The following CMTR1 variants were observed in gnomAD, a reference collection of about 807,000 sequenced individuals.
CMTR1 encodes the protein cap methyltransferase 1.
CMTR1 carries 39 observed loss-of-function variants against 107.0 expected under a neutral mutation model. That is an observed-to-expected ratio of 0.36 (90% CI 0.28 to 0.48). The LOEUF (loss-of-function observed/expected upper bound fraction) is 0.48, where lower values mean the gene tolerates loss of function less well. Among genes scored for constraint, CMTR1 ranks in the 20% least tolerant of loss-of-function variants. The probability of loss-of-function intolerance (pLI) is 0.99; values close to 1 mark genes in which losing one functional copy is unlikely to be tolerated. For missense variants in CMTR1, 672 were observed against 1,064.9 expected (o/e 0.63, Z 5.14); for synonymous variants, 366 against 379.5 (o/e 0.96, Z 0.41).
intron 22 of CMTR1, among the ~76,000 whole-genome samples, chr6:37,478,824 A>G (rs979996207): frequency 2.6e-5 from 4 of 152,148 alleles, no homozygotes; most frequent in African/African-American, 9.7e-5. Context: ...CAGAAAGTCA[A>G]GCTTGGTTTC....
upstream of CMTR1, among the ~76,000 whole-genome samples, chr6:37,431,780 G>C (rs573996227): frequency 6.6e-6 from 1 of 152,252 alleles, no homozygotes; most frequent in South Asian, 2.1e-4. Flanking sequence ...ATCCAGGCAG[G>C]GGGCTGAACT....
intron 1 of CMTR1, 149 bp downstream of exon 1, chr6:37,433,526 C>G (rs1276890539): frequency 6.5e-6 from 1 of 152,934 alleles, no homozygotes; most frequent in East Asian, 1.9e-4. Context: ...CTCCTCCCAC[C>G]CCCAACGCCG....
Position 37,481,273 on chromosome 6 carries a change from T to G in CMTR1, c.*1128T>G. The G allele has an allele frequency of 7.9e-7, 1 of 1,261,676 alleles. No homozygotes were observed. Among genetic ancestry groups the G allele is most frequent in the Non-Finnish European group, 1.0e-6 (1 of 973,174 alleles). 78.2% of individuals were successfully genotyped at this position (1,261,676 alleles called of 1,614,324 possible). ...TAATGGGAAATACCTCTCAGAGATG[T>G]TCATGCAGGCTCCCTAGGGCCCCAT... is the stretch of plus-strand genomic sequence containing the variant. On this transcript the variant is annotated 3_prime_UTR_variant, in exon 24 of 24. Coordinates refer to ENST00000373451, the MANE Select transcript of CMTR1 (RefSeq NM_015050.3).
chr6:37,469,411 T>A (rs1761577275), intron 13 of CMTR1, among the ~76,000 whole-genome samples: 1 of 152,076 alleles, frequency 6.6e-6, no homozygotes, highest in Non-Finnish European at 1.5e-5. Context: ...TATGTGGTTT[T>A]CTTTGTATTT....
intron 13 of CMTR1, among the ~76,000 whole-genome samples, chr6:37,463,717 A>G (rs1207514691): frequency 6.6e-6 from 1 of 152,204 alleles, no homozygotes; most frequent in East Asian, 1.9e-4. Context: ...GTTTGAAGAT[A>G]GAGGTGGCCC....
chr6:37,429,256 CT>C (rs1217763993), upstream of CMTR1, among the ~76,000 whole-genome samples: 1 of 152,128 alleles, frequency 6.6e-6, no homozygotes, highest in Admixed American at 6.5e-5. Flanking sequence ...CCATTCGGTT[CT>C]TTCTGCAGAG....
chr6:37,471,941 G>A (rs962028242), intron 15 of CMTR1, 37 bp downstream of exon 15: 2 of 1,599,354 alleles, frequency 1.3e-6, no homozygotes, highest in African/African-American at 2.7e-5. Context: ...CTTCAGGGCA[G>A]GGAAGCCATA....
chr6:37,480,339 CT>C lies in CMTR1; in HGVS notation c.*196del. The stretch of plus-strand genomic sequence containing the variant: ...GGCCCTGCAGAGAACACTCATGTTC[CT>C]TCTGGGACACCTGCCTGGGAACTTT... On this transcript the variant is annotated 3_prime_UTR_variant, in exon 24 of 24. Coordinates refer to ENST00000373451, the MANE Select transcript of CMTR1 (RefSeq NM_015050.3). 7.3e-7 allele frequency: 1 copy of C among 1,371,884 alleles called. No homozygotes were observed. The highest frequency in any genetic ancestry group is 9.3e-7 in the Non-Finnish European group (1 of 1,074,204). 85.0% of individuals were successfully genotyped at this position (1,371,884 alleles called of 1,614,324 possible). A position where few individuals can be genotyped will look rare whatever the true frequency, so the allele number is the denominator to read the frequency against.
intron 3 of CMTR1, among the ~76,000 whole-genome samples, chr6:37,445,483 CCTTTTTTTTT>C (rs1426169311): frequency 7.4e-6 from 1 of 135,110 alleles, no homozygotes; most frequent in African/African-American, 3.5e-5. Context: ...CCATACCTCA[CCTTTTTTTTT>C]TTTTTTTTTT....
upstream of CMTR1, among the ~76,000 whole-genome samples, chr6:37,432,423 G>C (rs532296188): frequency 6.6e-6 from 1 of 152,210 alleles, no homozygotes; most frequent in Non-Finnish European, 1.5e-5. Context: ...ACAGTCACGG[G>C]AGTTTGGAGT....
rs1421935859 is a variant in CMTR1 at position 37,433,337 on chromosome 6, C to G, written c.-47C>G. ...AGCGGCGGCGACAGTGTCGGCCTGA[C>G]CCCCCCTCCGCTCCCCGGCAGCTCG... On this transcript the variant is annotated 5_prime_UTR_variant, in exon 1 of 24. Transcript: ENST00000373451. 1 of 151,884 alleles carries G rather than the reference C, an allele frequency of 6.6e-6. No homozygotes were observed. The highest frequency in any genetic ancestry group is 1.5e-5 in the Non-Finnish European group (1 of 68,116). The allele number at this position is 151,884 out of a possible 1,614,324, so 9.4% of individuals were successfully genotyped here.
Position 37,458,474 on chromosome 6 carries a change from C to T in CMTR1, c.778-138C>T, listed in dbSNP as rs1284664702. ...TGTTAATCACCAGAAGATACATTTC[C>T]TGGGTGCTGTAGCTCTGGTGGGAGC... On this transcript the variant is annotated intron_variant, in intron 8 of 23. Transcript: ENST00000373451. This position sits in a 1 kb window ranked among gnomAD's most constrained non-coding sequence, Gnocchi z 4.7. The T allele has an allele frequency of 4.0e-6, 3 of 749,910 alleles. No homozygotes were observed. The African/African-American group carries it at 5.3e-5, about 13-fold the overall frequency. The allele number at this position is 749,910 out of a possible 1,614,324, so 46.5% of individuals were successfully genotyped here. A position where few individuals can be genotyped will look rare whatever the true frequency, so the allele number is the denominator to read the frequency against.
In CMTR1 at chr6:37,446,435, C is replaced by A; in HGVS notation, c.430C>A (p.Arg144=). 1.9e-6 allele frequency: 3 copies of A among 1,612,920 alleles called. No individual in the cohort carries two copies. Among genetic ancestry groups the A allele is most frequent in the Non-Finnish European group, 2.5e-6 (3 of 1,179,886 alleles). ...TGACCAGGAGCTGAACGTGGACTGG[C>A]GAGATGAGCCAGAGGTAAGTGTTAA... The part of the protein sequence containing the change: ...GFDQELNVDW[R]DEPEPSACEQ... The change falls in exon 4 of 24, where the codon CGA becomes AGA. Residue 144 remains arginine (R), a synonymous_variant. Transcript: ENST00000373451.
intron 17 of CMTR1, 26 bp downstream of exon 17, chr6:37,473,627 C>A: frequency 1.2e-6 from 2 of 1,608,350 alleles, no homozygotes; most frequent in East Asian, 2.2e-5. Flanking sequence ...GCTTCCTGCC[C>A]AGCTTGGAAT....
rs1333812814 is a variant in CMTR1 at position 37,477,991 on chromosome 6, AGGG to A, written c.2153+354_2153+356del. ...CTGCTGAGAGAGAAATTGAGCCTGGAGGGGTAGAAGGGGCATAAATGCGTCCTT... is the reference window on the plus strand; with the variant it reads ...CTGCTGAGAGAGAAATTGAGCCTGGAGTAGAAGGGGCATAAATGCGTCCTT... On this transcript the variant is annotated intron_variant, in intron 21 of 23. Transcript: ENST00000373451. 2.0e-5 allele frequency among the ~76,000 whole-genome samples: 3 copies of A among 152,184 alleles called. No individual in the cohort carries two copies. In the East Asian group the frequency reaches 5.8e-4, roughly 29 times the overall value.
intron 4 of CMTR1, 125 bp from the exon 5 acceptor site, chr6:37,450,126 A>G (rs567944071): frequency 3.0e-5 from 22 of 723,782 alleles, no homozygotes; most frequent in Non-Finnish European, 5.1e-5. Flanking sequence ...ATTTGGCTTC[A>G]GCAACCTGCA....
At chr6:37,439,227 G>T (rs1478458270) in intron 2 of CMTR1, among the ~76,000 whole-genome samples, 1 of 152,218 alleles carries the variant, frequency 6.6e-6, no homozygotes, top group Non-Finnish European at 1.5e-5. Context: ...TATTTTCAAA[G>T]GAGTTTGAAG....
Position 37,458,864 on chromosome 6 carries a change from G to C in CMTR1, c.976+54G>C, listed in dbSNP as rs1299630883. 1 of 1,537,452 alleles carries C rather than the reference G, an allele frequency of 6.5e-7. No individual in the cohort carries two copies. The highest frequency in any genetic ancestry group is 9.0e-7 in the Non-Finnish European group (1 of 1,115,976). ...GTATGAGGGACAGCCCCTCTATGGG[G>C]ACTTCAGGTCAGAAGCAGTTGTTAT... is the stretch of plus-strand genomic sequence containing the variant. On this transcript the variant is annotated intron_variant, in intron 9 of 23. Transcript: ENST00000373451. The surrounding 1 kb of genome is among the most constrained non-coding windows in gnomAD (Gnocchi z 4.7).
At chr6:37,467,555 G>C (rs929002576) in intron 13 of CMTR1, among the ~76,000 whole-genome samples, 1 of 152,056 alleles carries the variant, frequency 6.6e-6, no homozygotes, top group Non-Finnish European at 1.5e-5. Context: ...CTGCTAAGAG[G>C]GTTGTTAAAG....
Sources: allele counts gnomAD v4.1 joint callset (sites outside exome capture counted in the v4.1 genomes callset), GRCh38; gene constraint gnomAD v4.1.1; non-coding constraint Gnocchi (gnomAD v3.1); transcripts MANE v1.5; gene names NCBI Gene and HGNC (gene_info 2026-07-23, HGNC 2026-07-21).